Variants in SLC9A4 observed in about 807,000 individuals in gnomAD.
SLC9A4 encodes the protein solute carrier family 9 member A4.
A neutral mutation model predicts 67.4 loss-of-function variants in SLC9A4; 63 were observed. The observed-to-expected ratio is 0.93, with a 90% CI of 0.76 to 1.15. The LOEUF (loss-of-function observed/expected upper bound fraction) is 1.15, where lower values mean the gene tolerates loss of function less well. Among genes scored for constraint, SLC9A4 ranks in the 50% most tolerant of loss-of-function variants. The probability of loss-of-function intolerance (pLI) is 0.00; values close to 1 mark genes in which losing one functional copy is unlikely to be tolerated. For missense variants in SLC9A4, 1,089 were observed against 987.7 expected, an observed-to-expected ratio of 1.10 and a Z score of -1.38; for synonymous variants, 393 against 367.2, an observed-to-expected ratio of 1.07 and a Z score of -0.80.
chr2:102,498,949 G>T (rs964087210), intron 2 of SLC9A4, among the ~76,000 whole-genome samples: 1 of 152,216 alleles, frequency 6.6e-6, no homozygotes, highest in Non-Finnish European at 1.5e-5. Context: ...AAACTCCTGT[G>T]AGGGAAAATG....
In SLC9A4 at chr2:102,493,301, C is replaced by T. The variant is rs376796500; in HGVS notation, c.721-10147C>T. 1.2e-3 allele frequency among the ~76,000 whole-genome samples: 182 copies of T among 151,994 alleles called. 7 individuals carry two copies. In the South Asian group the frequency reaches 0.036, roughly 30 times the overall value. ...ACCCCACTCTACCTGTACCAATTTA[C>T]TGCATTAGTCCATTTTCATGCTACT... is the stretch of plus-strand genomic sequence containing the variant. On this transcript the variant is annotated intron_variant, in intron 2 of 11. Coordinates refer to ENST00000295269, the MANE Select transcript of SLC9A4 (RefSeq NM_001011552.4).
intron 2 of SLC9A4, among the ~76,000 whole-genome samples, chr2:102,485,689 G>T (rs1684574166): frequency 6.6e-6 from 1 of 152,236 alleles, no homozygotes; most frequent in African/African-American, 2.4e-5. Flanking sequence ...TGATGAGGCG[G>T]CAAGCAGTGG....
In SLC9A4 at chr2:102,525,253, G is replaced by A. The variant is rs1274328116; in HGVS notation, c.1950+98G>A. ...ACAGGATCTCACATGCATGACCATC[G>A]ATGCTTAAACAAACAAAACCCCACC... On this transcript the variant is annotated intron_variant, in intron 10 of 11. Coordinates refer to ENST00000295269, the MANE Select transcript of SLC9A4 (RefSeq NM_001011552.4). 1.1e-5 allele frequency: 17 copies of A among 1,547,180 alleles called. No homozygotes were observed. In the Admixed American group the frequency reaches 2.0e-4, roughly 19 times the overall value.
At chr2:102,509,031 C>A (rs1389911228) in intron 6 of SLC9A4, 98 bp downstream of exon 6, 8 of 1,020,940 alleles carry the variant, frequency 7.8e-6, no homozygotes, top group Admixed American at 4.6e-5. Flanking sequence ...CTCTTTCCTT[C>A]CCCACTCTGC....
intron 11 of SLC9A4, among the ~76,000 whole-genome samples, 168 bp downstream of exon 11, chr2:102,526,514 G>C (rs914433987): frequency 3.9e-5 from 6 of 152,176 alleles, no homozygotes; most frequent in African/African-American, 1.4e-4. Context: ...CTTTGTTTAT[G>C]AACACTGAAA....
rs148247320 is a variant in SLC9A4 at position 102,512,251 on chromosome 2, A to T, written c.1537A>T (p.Ser513Cys). The change falls in exon 7 of 12, where the codon AGT (serine) becomes TGT (cysteine). Residue 513 changes from serine (S) to cysteine (C), a missense_variant. Physicochemically the swap from Ser to Cys is moderately radical, Grantham distance 112. Coordinates refer to ENST00000295269, the MANE Select transcript of SLC9A4 (RefSeq NM_001011552.4). ...AGIEDVCGHW[S>C]HYQVRDKFKK... The stretch of plus-strand genomic sequence containing the variant: ...AATCGAAGATGTGTGTGGGCACTGG[A>T]GTCACTACCAAGTGAGAGACAAGTA... The T allele has an allele frequency of 9.3e-6, 15 of 1,613,968 alleles. No homozygotes were observed. In the African/African-American group the frequency reaches 1.7e-4, roughly 19 times the overall value.
intron 1 of SLC9A4, among the ~76,000 whole-genome samples, chr2:102,475,444 A>G (rs546047158): frequency 1.7e-4 from 26 of 152,360 alleles, no homozygotes; most frequent in African/African-American, 6.3e-4. Context: ...TCTGTTTATC[A>G]GTAAACATCT....
intron 8 of SLC9A4, among the ~76,000 whole-genome samples, chr2:102,517,538 G>A (rs567645589): frequency 2.0e-5 from 3 of 152,090 alleles, no homozygotes; most frequent in Non-Finnish European, 4.4e-5. Context: ...GTGGTTGATA[G>A]GACTGTAGGG....
chr2:102,508,268 C>T lies in SLC9A4; in HGVS notation c.1388C>T (p.Thr463Ile). 3 of 1,612,334 alleles carry T rather than the reference C, an allele frequency of 1.9e-6. No individual in the cohort carries two copies. Among genetic ancestry groups the T allele is most frequent in the Non-Finnish European group, 2.5e-6 (3 of 1,178,776 alleles). ...VTATLVVIYF[T>I]VFIQGITVGP... ...GCTACTCTAGTAGTTATATACTTTA[C>T]TGTATTTATTCAGGTAAGTAGATTT... Residue 463 changes from threonine to isoleucine, a missense_variant, in exon 5 of 12, where the codon ACT becomes ATT. Transcript: ENST00000295269.
chr2:102,489,780 G>A (rs1292675668), intron 2 of SLC9A4, among the ~76,000 whole-genome samples: 1 of 152,140 alleles, frequency 6.6e-6, no homozygotes, highest in Non-Finnish European at 1.5e-5. Flanking sequence ...TCATTTAGGA[G>A]TGAGGTGAAA....
At chr2:102,479,406 A>G in intron 2 of SLC9A4, 104 bp downstream of exon 2, 1 of 1,229,704 alleles carries the variant, frequency 8.1e-7, no homozygotes, top group Admixed American at 2.3e-5. Flanking sequence ...TCAGCGCAGC[A>G]GGACAGGGAT....
intron 8 of SLC9A4, among the ~76,000 whole-genome samples, chr2:102,517,978 T>C (rs975539259): frequency 6.6e-6 from 1 of 152,216 alleles, no homozygotes; most frequent in Non-Finnish European, 1.5e-5. Flanking sequence ...GTGCTGTGAG[T>C]ATTTCAGGGA....
intron 2 of SLC9A4, among the ~76,000 whole-genome samples, chr2:102,481,719 A>C (rs1030026): frequency 0.61 from 93,181 of 151,900 alleles, 29,029 homozygotes; most frequent in Middle Eastern, 0.69. Context: ...ATTATGGTAT[A>C]TTTTACCCTA....
intron 2 of SLC9A4, among the ~76,000 whole-genome samples, chr2:102,491,284 ATT>A (rs1378202658): frequency 1.2e-5 from 1 of 86,084 alleles, no homozygotes; most frequent in African/African-American, 4.0e-5. Context: ...TTTCAACTGA[ATT>A]TTTTTATTTC....
intron 2 of SLC9A4, among the ~76,000 whole-genome samples, chr2:102,496,687 T>C (rs1684817005): frequency 6.6e-6 from 1 of 151,922 alleles, no homozygotes; most frequent in Non-Finnish European, 1.5e-5. Flanking sequence ...TAAATCTGTC[T>C]ATGGGCAGAA....
intron 1 of SLC9A4, among the ~76,000 whole-genome samples, chr2:102,474,513 G>A (rs965768574): frequency 6.6e-6 from 1 of 152,100 alleles, no homozygotes; most frequent in Non-Finnish European, 1.5e-5. Flanking sequence ...AAAACCATAG[G>A]CAACTTGTAT....
intron 10 of SLC9A4, 87 bp downstream of exon 10, chr2:102,525,242 G>T (rs1482958710): frequency 1.9e-6 from 3 of 1,570,868 alleles, no homozygotes; most frequent in Non-Finnish European, 2.6e-6. Context: ...GATCTCACAT[G>T]CATGACCATC....
At chr2:102,493,674 G>A (rs995317715) in intron 2 of SLC9A4, among the ~76,000 whole-genome samples, 10 of 151,634 alleles carry the variant, frequency 6.6e-5, no homozygotes, top group Non-Finnish European at 1.2e-4. Flanking sequence ...CACCACTCCA[G>A]TTAGCTTCCA....
intron 2 of SLC9A4, among the ~76,000 whole-genome samples, chr2:102,495,003 A>C (rs1684776445): frequency 1.3e-5 from 2 of 152,090 alleles, no homozygotes; most frequent in South Asian, 2.1e-4. Flanking sequence ...TATTCATAGA[A>C]TATTAGGCCC....
Sources: gnomAD v4.1 joint callset for allele counts (sites outside exome capture counted in the v4.1 genomes callset) on GRCh38, gnomAD v4.1.1 for gene constraint, MANE v1.5 for transcripts, NCBI Gene and HGNC (gene_info 2026-07-23, HGNC 2026-07-21) for gene names.